The following LRP1B variants were observed in gnomAD, a reference collection of about 807,000 sequenced individuals.
LRP1B encodes low-density lipoprotein receptor-related protein 1B.
In LRP1B, 217 loss-of-function variants were observed where a neutral mutation model predicts 556.6. That is an observed-to-expected ratio of 0.39 (90% CI 0.35 to 0.44). The LOEUF (loss-of-function observed/expected upper bound fraction) is 0.44. Ranked by LOEUF, LRP1B falls within the 20% of genes least tolerant of loss-of-function variation. The pLI is 1.00. For synonymous variants in LRP1B, 2,047 were observed against 1,865.8 expected (o/e 1.10, Z -2.50); for missense variants, 5,053 against 5,620.8 (o/e 0.90, Z 3.23).
chr2:141,444,771 T>C (rs1681121414), intron 3 of LRP1B, among the ~76,000 whole-genome samples: 1 of 152,196 alleles, frequency 6.6e-6, no homozygotes, highest in Admixed American at 6.5e-5. Context: ...ATCCCAGAAA[T>C]GAAGCTGACT....
intron 41 of LRP1B, chr2:140,683,921 C>T (rs10928065): frequency 0.064 from 29,256 of 460,218 alleles, 1,323 homozygotes; most frequent in Admixed American, 0.14. Context: ...GCGGCTTGCC[C>T]CCCTGGATGT....
chr2:141,636,848 C>A (rs945331274), intron 2 of LRP1B, among the ~76,000 whole-genome samples: 1 of 151,886 alleles, frequency 6.6e-6, no homozygotes, highest in Non-Finnish European at 1.5e-5. Context: ...CAGAACAATA[C>A]ATATGGTTAT....
intron 2 of LRP1B, among the ~76,000 whole-genome samples, chr2:141,676,171 A>T (rs1690868902): frequency 6.6e-6 from 1 of 151,996 alleles, no homozygotes; most frequent in Admixed American, 6.6e-5. Context: ...GTGATATTAT[A>T]TTATTCATTT....
intron 66 of LRP1B, among the ~76,000 whole-genome samples, chr2:140,414,309 G>T (rs939781194): frequency 1.3e-5 from 2 of 151,960 alleles, no homozygotes; most frequent in Non-Finnish European, 2.9e-5. Context: ...TTAAATCATA[G>T]TTATTTAGTT....
chr2:141,821,638 G>T (rs943061412), intron 1 of LRP1B, among the ~76,000 whole-genome samples: 6 of 151,900 alleles, frequency 3.9e-5, no homozygotes, highest in African/African-American at 1.4e-4. Context: ...TTTATTCTTG[G>T]GAGATGGAAA....
intron 41 of LRP1B, among the ~76,000 whole-genome samples, chr2:140,693,918 G>A (rs1686332324): frequency 6.6e-6 from 1 of 152,036 alleles, no homozygotes; most frequent in Admixed American, 6.6e-5. Flanking sequence ...ATTTTGGCCA[G>A]GCTAGTCTCG....
rs2105419738 is a variant in LRP1B, at chr2:140,700,287, A to T, written c.6762T>A (p.Ile2254=). ...SDAHFGNIQL[I]KDNWEDRQVI... ...CTTGTCTGTCTTCCCAGTTGTCTTT[A>T]ATAAGCTGTATATTTCCAAAGTGTG... The change falls in exon 41 of 91, where the codon ATT becomes ATA. Residue 2254 remains isoleucine, a synonymous_variant. Coordinates refer to ENST00000389484, the MANE Select transcript of LRP1B (RefSeq NM_018557.3). 1 of 1,612,222 alleles carries T rather than the reference A, an allele frequency of 6.2e-7. No homozygotes were observed. Among genetic ancestry groups the T allele is most frequent in the Non-Finnish European group, 8.5e-7 (1 of 1,178,946 alleles).
rs1689493462 is a variant in LRP1B, at chr2:140,776,219, T to C, written c.5379A>G (p.Ala1793=). The stretch of plus-strand genomic sequence containing the variant: ...TTCCTAGCTGGGCTAAGTTTTGGTC[T>C]GCCCACCACAGTTTCTTATCTAGAA... ...LTIMDKKLWW[A]DQNLAQLGTC... is the part of the protein sequence containing the mutation. Residue 1793 remains alanine, a synonymous_variant, in exon 33 of 91, where the codon GCA becomes GCG. Transcript: ENST00000389484. The C allele has an allele frequency of 6.3e-7, 1 of 1,595,170 alleles. No homozygotes were observed. The highest frequency in any genetic ancestry group is 1.4e-5 in the African/African-American group (1 of 73,326).
intron 5 of LRP1B, among the ~76,000 whole-genome samples, chr2:141,239,327 T>C (rs1683776197): frequency 6.6e-6 from 1 of 151,948 alleles, no homozygotes; most frequent in Non-Finnish European, 1.5e-5. Flanking sequence ...TAATGTAAGA[T>C]TCATTGAAGG....
chr2:141,226,538 A>C (rs1000774802), intron 6 of LRP1B, among the ~76,000 whole-genome samples: 6 of 152,162 alleles, frequency 3.9e-5, no homozygotes, highest in Non-Finnish European at 8.8e-5. Context: ...TTTCTCAAAA[A>C]AGCATGTTCT....
intron 2 of LRP1B, among the ~76,000 whole-genome samples, chr2:141,565,150 T>G (rs1358436112): frequency 6.6e-6 from 1 of 152,086 alleles, no homozygotes; most frequent in Non-Finnish European, 1.5e-5. Context: ...CCATTGTGTT[T>G]CAGAGTTGTA....
intron 2 of LRP1B, among the ~76,000 whole-genome samples, chr2:141,806,295 G>A (rs1696165971): frequency 6.6e-6 from 1 of 151,962 alleles, no homozygotes; most frequent in Non-Finnish European, 1.5e-5. Context: ...CTCATCACAT[G>A]CTATGCTAAC....
At chr2:140,662,335 T>C (rs1280085795) in intron 41 of LRP1B, among the ~76,000 whole-genome samples, 3 of 152,084 alleles carry the variant, frequency 2.0e-5, no homozygotes, top group Non-Finnish European at 4.4e-5. Context: ...TGTCTATACA[T>C]GCTATAATTA....
At chr2:141,596,936 G>A (rs1193851060) in intron 2 of LRP1B, among the ~76,000 whole-genome samples, 2 of 151,728 alleles carry the variant, frequency 1.3e-5, no homozygotes, top group Non-Finnish European at 1.5e-5. Context: ...ACATTACCAA[G>A]GTTTAGTAGT....
At chr2:142,126,377 C>T (rs906256012) in intron 1 of LRP1B, among the ~76,000 whole-genome samples, 3 of 151,276 alleles carry the variant, frequency 2.0e-5, no homozygotes, top group African/African-American at 7.3e-5. Flanking sequence ...TTTTTAATGG[C>T]GTTTGTGCCA....
At chr2:140,524,168 A>G (rs1391498358) in intron 49 of LRP1B, among the ~76,000 whole-genome samples, 1 of 151,958 alleles carries the variant, frequency 6.6e-6, no homozygotes, top group Non-Finnish European at 1.5e-5. Flanking sequence ...GGTCGAGTAT[A>G]GAAACAGACA....
intron 3 of LRP1B, among the ~76,000 whole-genome samples, chr2:141,398,545 C>T (rs146097341): frequency 1.3e-5 from 2 of 152,220 alleles, no homozygotes; most frequent in South Asian, 2.1e-4. Context: ...TACTATTGTT[C>T]TCATTTTAAT....
chr2:141,403,301 T>G (rs1690511991), intron 3 of LRP1B, among the ~76,000 whole-genome samples: 2 of 152,132 alleles, frequency 1.3e-5, no homozygotes, highest in African/African-American at 4.8e-5. Flanking sequence ...TTCTATTTTG[T>G]ACGTTTTAAT....
At chr2:140,826,821 A>C (rs1691525670) in intron 31 of LRP1B, among the ~76,000 whole-genome samples, 1 of 152,158 alleles carries the variant, frequency 6.6e-6, no homozygotes, top group African/African-American at 2.4e-5. Flanking sequence ...AGAGACACAA[A>C]GGGGAGGTGG....
Sources: allele counts gnomAD v4.1 joint callset (sites outside exome capture counted in the v4.1 genomes callset), GRCh38; gene constraint gnomAD v4.1.1; transcripts MANE v1.5; gene names NCBI Gene and HGNC (gene_info 2026-07-23, HGNC 2026-07-21).